RELA: variants seen among roughly 807,000 people sequenced by gnomAD.
RELA encodes the protein transcription factor p65.
In RELA, 14 loss-of-function variants were observed where a neutral mutation model predicts 56.7. The observed-to-expected ratio is 0.25, with a 90% CI of 0.16 to 0.39. The LOEUF (loss-of-function observed/expected upper bound fraction) is 0.39. Among genes scored for constraint, RELA ranks in the 10% least tolerant of loss-of-function variants. RELA has a pLI of 1.00. For missense variants in RELA, 559 were observed against 736.4 expected, an observed-to-expected ratio of 0.76 and a Z score of 2.79; for synonymous variants, 315 against 289.7, an observed-to-expected ratio of 1.09 and a Z score of -0.89.
intron 1 of RELA, 81 bp from the exon 2 acceptor site, chr11:65,662,286 G>C: frequency 1.4e-6 from 2 of 1,429,520 alleles, no homozygotes; most frequent in East Asian, 2.6e-5. Context: ...ACGGAGAGGA[G>C]AAGCCAGGCT....
At chr11:65,663,174 T>A (rs2135577300), upstream of RELA, 1 of 182,470 alleles carries the variant, frequency 5.5e-6, no homozygotes, top group Non-Finnish European at 1.1e-5. Flanking sequence ...ACTCACTTTG[T>A]TTTTAGGGGA....
In RELA at chr11:65,655,883, C is replaced by G; in HGVS notation, c.930G>C (p.Lys310Asn). Residue 310 changes from lysine to asparagine, a missense_variant, in exon 9 of 11, where the codon AAG (lysine) becomes AAC (asparagine). Around this residue, in one of 4 missense-constraint regions of RELA, gnomAD observed 365 missense variants for 387.5 expected, o/e 0.94. Coordinates refer to ENST00000406246, the MANE Select transcript of RELA (RefSeq NM_021975.4). ...EKRKRTYETF[K>N]SIMKKSPFSG... ...TGAAAGGACTCTTCTTCATGATGCTCTTGAAGGTCTCATATGTCCTTTTAC... is the reference window on the plus strand; with the variant it reads ...TGAAAGGACTCTTCTTCATGATGCTGTTGAAGGTCTCATATGTCCTTTTAC... 2 of 1,614,150 alleles carry G rather than the reference C, an allele frequency of 1.2e-6. No individual in the cohort carries two copies. Among genetic ancestry groups the G allele is most frequent in the Non-Finnish European group, 1.7e-6 (2 of 1,180,032 alleles).
At chr11:65,656,974 C>T (rs1286553377) in intron 8 of RELA, among the ~76,000 whole-genome samples, 1 of 151,996 alleles carries the variant, frequency 6.6e-6, no homozygotes, top group Non-Finnish European at 1.5e-5. Context: ...TGCAGTGAGC[C>T]GAGATTGCAC....
At position 65,654,310 on chromosome 11, in the gene RELA, C is replaced by T. The variant is rs767210289; in HGVS notation, c.*68G>A. 8 of 1,604,348 alleles carry T rather than the reference C, an allele frequency of 5.0e-6. No homozygotes were observed. Among genetic ancestry groups the T allele is most frequent in the South Asian group, 1.1e-5 (1 of 90,092 alleles). ...AGTTGGAACACACCCCACCAGAATC[C>T]GTAAGTGCTTTTGGAGGGCTTCAAT... On this transcript the variant is annotated 3_prime_UTR_variant, in exon 11 of 11. Transcript: ENST00000406246.
chr11:65,659,496 T>G (rs1164099123), intron 6 of RELA, among the ~76,000 whole-genome samples, 170 bp downstream of exon 6: 1 of 152,206 alleles, frequency 6.6e-6, no homozygotes, highest in East Asian at 1.9e-4. Flanking sequence ...GCTCTGGGTC[T>G]TCTTTGCCCT....
intron 1 of RELA, 100 bp from the exon 2 acceptor site, chr11:65,662,305 G>A: frequency 7.2e-7 from 1 of 1,382,336 alleles, no homozygotes; most frequent in Non-Finnish European, 9.5e-7. Flanking sequence ...CTCCCTCCCA[G>A]GGGAACTGAG....
intron 6 of RELA, 98 bp downstream of exon 6, chr11:65,659,568 T>G: frequency 6.9e-7 from 1 of 1,455,486 alleles, no homozygotes; most frequent in South Asian, 1.2e-5. Context: ...GATGATTGAA[T>G]GAAGCCAGAG....
At position 65,654,501 on chromosome 11, in the gene RELA, G is replaced by A. The variant is rs763567315; in HGVS notation, c.1533C>T (p.Pro511=). 15 of 1,602,004 alleles carry A rather than the reference G, an allele frequency of 9.4e-6. No homozygotes were observed. The highest frequency in any genetic ancestry group is 1.1e-5 in the South Asian group (1 of 89,102). Residue 511 remains proline (P), a synonymous_variant, in exon 11 of 11, where the codon CCC becomes CCT. Coordinates refer to ENST00000406246, the MANE Select transcript of RELA (RefSeq NM_021975.4). ...TRLVTGAQRP[P]DPAPAPLGAP... is the part of the protein sequence containing the mutation. ...CCCCCAGTGGAGCAGGAGCTGGGTC[G>A]GGGGGCCTCTGGGCCCCTGTCACTA...
Position 65,654,481 on chromosome 11 carries a change from A to T in RELA, c.1553T>A (p.Leu518Gln). Residue 518 changes from leucine to glutamine, a missense_variant, in exon 11 of 11, where the codon CTG (leucine) becomes CAG (glutamine). Around this residue, in one of 4 missense-constraint regions of RELA, gnomAD observed 365 missense variants for 387.5 expected, o/e 0.94. Transcript: ENST00000406246. The part of the protein sequence containing the change: ...QRPPDPAPAP[L>Q]GAPGLPNGLL... Reference sequence around the variant, plus strand: ...GCCATTGGGGAGCCCCGGGGCCCCCAGTGGAGCAGGAGCTGGGTCGGGGGG... The same window carrying T: ...GCCATTGGGGAGCCCCGGGGCCCCCTGTGGAGCAGGAGCTGGGTCGGGGGG... 6.2e-7 allele frequency: 1 copy of T among 1,602,826 alleles called. No individual in the cohort carries two copies. The highest frequency in any genetic ancestry group is 8.5e-7 in the Non-Finnish European group (1 of 1,176,176).
intron 1 of RELA, 74 bp from the exon 2 acceptor site, chr11:65,662,279 G>A (rs1452885657): frequency 2.1e-6 from 3 of 1,445,728 alleles, no homozygotes; most frequent in African/African-American, 1.4e-5. Context: ...GCTCTCCACG[G>A]AGAGGAGAAG....
intron 4 of RELA, among the ~76,000 whole-genome samples, chr11:65,660,957 T>A (rs1400664622): frequency 1.4e-5 from 2 of 147,168 alleles, no homozygotes; most frequent in Non-Finnish European, 3.0e-5. Flanking sequence ...GAGAATGGCA[T>A]GAACCCGGAA....
At chr11:65,661,382 G>A (rs1262137921) in intron 4 of RELA, 2 of 300,798 alleles carry the variant, frequency 6.6e-6, no homozygotes, top group Non-Finnish European at 1.2e-5. Context: ...CCAGGGGAGA[G>A]TGCTGGTTCA....
chr11:65,660,092 GGT>G (rs1462751204), intron 5 of RELA, 30 bp downstream of exon 5: 3 of 1,594,828 alleles, frequency 1.9e-6, no homozygotes, highest in Admixed American at 1.7e-5. Flanking sequence ...GGTGACAGAG[GGT>G]GCGGGTGTGG....
Position 65,655,757 on chromosome 11 carries a change from T to C in RELA, c.964A>G (p.Thr322Ala), listed in dbSNP as rs770882250. The change falls in exon 10 of 11, where the codon ACC becomes GCC. Residue 322 changes from threonine (T) to alanine (A), a missense_variant. Physicochemically the swap from Thr to Ala is moderately conservative, Grantham distance 58. Coordinates refer to ENST00000406246, the MANE Select transcript of RELA (RefSeq NM_021975.4). ...CGTCGAGGTGGAGGCCGGGGGTCGG[T>C]GGGTCCTGTAGGGCAAGGGCTAGGT... ...IMKKSPFSGP[T>A]DPRPPPRRIA... is the part of the protein sequence containing the mutation. 6 of 1,613,738 alleles carry C rather than the reference T, an allele frequency of 3.7e-6. No homozygotes were observed. The Admixed American group carries it at 1.0e-4, about 27-fold the overall frequency.
Position 65,653,675 on chromosome 11 carries a change from C to T in RELA, c.*703G>A, listed in dbSNP as rs1856338038. The T allele has an allele frequency of 6.6e-6, 1 of 152,606 alleles. No individual in the cohort carries two copies. Among genetic ancestry groups the T allele is most frequent in the African/African-American group, 2.4e-5 (1 of 41,470 alleles). The allele number at this position is 152,606 out of a possible 1,614,324, so 9.5% of individuals were successfully genotyped here. ...AAGTGCTTTGATTGTTCAGTAAAAA[C>T]TATGCCTCCTGACTGGAGAGCTGCC... On this transcript the variant is annotated 3_prime_UTR_variant, in exon 11 of 11. Transcript: ENST00000406246.
At chr11:65,660,552 T>G in intron 4 of RELA, 1 of 303,310 alleles carries the variant, frequency 3.3e-6, no homozygotes, top group South Asian at 4.4e-5. Context: ...TCTCTCCTCC[T>G]TCTCACCATT....
Position 65,654,129 on chromosome 11 carries a change from AG to A in RELA, c.*248del, listed in dbSNP as rs1406093473. 1.8e-6 allele frequency: 1 copy of A among 556,904 alleles called. No individual in the cohort carries two copies. Among genetic ancestry groups the A allele is most frequent in the Non-Finnish European group, 3.3e-6 (1 of 307,256 alleles). The allele number at this position is 556,904 out of a possible 1,614,324, so 34.5% of individuals were successfully genotyped here. A position where few individuals can be genotyped will look rare whatever the true frequency, so the allele number is the denominator to read the frequency against. ...AGAGAAGGGAGCTGACCATCAGGACAGGGGAAAAGTTTGAGTTTCCCCAGCT... is the reference window on the plus strand; with the variant it reads ...AGAGAAGGGAGCTGACCATCAGGACAGGGAAAAGTTTGAGTTTCCCCAGCT... On this transcript the variant is annotated 3_prime_UTR_variant, in exon 11 of 11. Coordinates refer to ENST00000406246, the MANE Select transcript of RELA (RefSeq NM_021975.4).
rs1451041121 is a variant in RELA, at chr11:65,655,788, C to G, written c.959-26G>C. 5 of 1,613,846 alleles carry G rather than the reference C, an allele frequency of 3.1e-6. No homozygotes were observed. The African/African-American group carries it at 5.3e-5, about 17-fold the overall frequency. On this transcript the variant is annotated intron_variant, in intron 9 of 10. Transcript: ENST00000406246. ...CTGTAGGGCAAGGGCTAGGTCAGTT[C>G]TCAGCCCCAGGGTGTCCCCTCCCTG... is the stretch of plus-strand genomic sequence containing the variant.
At position 65,658,204 on chromosome 11, in the gene RELA, C is replaced by CGG; in HGVS notation, c.877+82_877+83insCC. Reference sequence around the variant, plus strand: ...TCTGACTCCAGCTTCTGGCCCTCAACCACAGCCCCAGACATGCAGTCTTGG... The same window carrying CGG: ...TCTGACTCCAGCTTCTGGCCCTCAACGGCACAGCCCCAGACATGCAGTCTTGG... On this transcript the variant is annotated intron_variant, in intron 8 of 10. Coordinates refer to ENST00000406246, the MANE Select transcript of RELA (RefSeq NM_021975.4). The surrounding 1 kb of genome is among the most constrained non-coding windows in gnomAD (Gnocchi z 4.5). 9.1e-7 allele frequency: 1 copy of CGG among 1,095,186 alleles called. No homozygotes were observed. Among genetic ancestry groups the CGG allele is most frequent in the African/African-American group, 1.6e-5 (1 of 63,184 alleles). The allele number at this position is 1,095,186 out of a possible 1,614,324, so 67.8% of individuals were successfully genotyped here. A position where few individuals can be genotyped will look rare whatever the true frequency, so the allele number is the denominator to read the frequency against.
Sources: allele counts gnomAD v4.1 joint callset (sites outside exome capture counted in the v4.1 genomes callset), GRCh38; gene constraint gnomAD v4.1.1; regional missense constraint gnomAD v4.1.1; non-coding constraint Gnocchi (gnomAD v3.1); transcripts MANE v1.5; gene names NCBI Gene and HGNC (gene_info 2026-07-23, HGNC 2026-07-21).